LNPK: variants seen among roughly 807,000 people sequenced by gnomAD.
The protein encoded by LNPK is endoplasmic reticulum junction formation protein lunapark.
Under a neutral mutation model 55.2 loss-of-function variants are expected in LNPK, and 29 were observed. The observed-to-expected ratio is 0.53, with a 90% CI of 0.39 to 0.72. The LOEUF (loss-of-function observed/expected upper bound fraction) is 0.72. Ranked by LOEUF, LNPK falls within the 30% of genes least tolerant of loss-of-function variation. The pLI is 0.00. For synonymous variants in LNPK, 162 were observed against 168.2 expected (o/e 0.96, Z 0.29); for missense variants, 467 against 494.8 (o/e 0.94, Z 0.53).
At chr2:175,938,446 T>C in intron 10 of LNPK, 63 bp from the exon 11 acceptor site, 1 of 830,980 alleles carries the variant, frequency 1.2e-6, no homozygotes. Context: ...TGACAGAGAC[T>C]AATTTAGCCA....
chr2:175,989,122 C>T (rs964646104), intron 4 of LNPK, among the ~76,000 whole-genome samples: 1 of 152,246 alleles, frequency 6.6e-6, no homozygotes, highest in Admixed American at 6.5e-5. Flanking sequence ...AAACATTTAA[C>T]TTTCTTCAAA....
At chr2:175,997,144 G>A (rs1016047493) in intron 1 of LNPK, among the ~76,000 whole-genome samples, 1 of 152,108 alleles carries the variant, frequency 6.6e-6, no homozygotes, top group East Asian at 1.9e-4. Context: ...GTGCCTAACT[G>A]TAAAATACTT....
In LNPK at chr2:175,993,178, A is replaced by T; in HGVS notation, c.69+4T>A. 1 of 1,532,572 alleles carries T rather than the reference A, an allele frequency of 6.5e-7. No individual in the cohort carries two copies. Among genetic ancestry groups the T allele is most frequent in the Non-Finnish European group, 8.9e-7 (1 of 1,123,032 alleles). 94.9% of individuals were successfully genotyped at this position (1,532,572 alleles called of 1,614,324 possible). On this transcript the variant is annotated splice_donor_region_variant and intron_variant, in intron 3 of 12. Coordinates refer to ENST00000272748, the MANE Select transcript of LNPK (RefSeq NM_030650.3). ...TTAAAATACCTCACAGCCAAAGAAC[A>T]TACCTTATCTATACTTTCTAGAACT...
intron 2 of LNPK, 48 bp downstream of exon 2, chr2:175,995,510 C>A: frequency 6.8e-7 from 1 of 1,465,732 alleles, no homozygotes; most frequent in Non-Finnish European, 9.4e-7. Context: ...CTTTATGTGA[C>A]ACTTTTATAT....
At chr2:175,970,111 A>G (rs1485557662) in intron 6 of LNPK, among the ~76,000 whole-genome samples, 2 of 152,210 alleles carry the variant, frequency 1.3e-5, no homozygotes, top group African/African-American at 4.8e-5. Context: ...TAATCATTAA[A>G]AAATTAGTAG....
chr2:175,946,891 G>T (rs1685152624), intron 9 of LNPK, among the ~76,000 whole-genome samples: 1 of 151,958 alleles, frequency 6.6e-6, no homozygotes, highest in Non-Finnish European at 1.5e-5. Flanking sequence ...ACTTCAGAAT[G>T]GGATCTTCCC....
At chr2:175,966,649 C>T (rs996162885) in intron 6 of LNPK, among the ~76,000 whole-genome samples, 1 of 152,106 alleles carries the variant, frequency 6.6e-6, no homozygotes, top group Non-Finnish European at 1.5e-5. Flanking sequence ...TTACTTCTAA[C>T]AAAATATTTT....
intron 12 of LNPK, among the ~76,000 whole-genome samples, chr2:175,931,128 T>C (rs902020893): frequency 5.0e-4 from 76 of 152,272 alleles, no homozygotes; most frequent in African/African-American, 1.8e-3. Flanking sequence ...ATTTCTTTGT[T>C]TATGTAAAAA....
At chr2:175,970,927 G>C in intron 5 of LNPK, 123 bp from the exon 6 acceptor site, 1 of 771,154 alleles carries the variant, frequency 1.3e-6, no homozygotes, top group African/African-American at 1.9e-5. Context: ...AAATTTAACT[G>C]ATGTGTAGAG....
chr2:175,982,461 T>C (rs1203690117), intron 4 of LNPK, among the ~76,000 whole-genome samples: 1 of 152,198 alleles, frequency 6.6e-6, no homozygotes, highest in East Asian at 1.9e-4. Context: ...ACATAAGCTA[T>C]CAAACAACAG....
chr2:175,988,512 C>CAA (rs575414400), intron 4 of LNPK, among the ~76,000 whole-genome samples: 143 of 57,954 alleles, frequency 2.5e-3, no homozygotes, highest in South Asian at 5.7e-3. Flanking sequence ...ACTCTGTCTC[C>CAA]AAAAAAAAAA....
At chr2:175,978,404 C>T (rs1384322487) in intron 5 of LNPK, among the ~76,000 whole-genome samples, 2 of 152,104 alleles carry the variant, frequency 1.3e-5, no homozygotes, top group Admixed American at 6.5e-5. Context: ...CATCTGTTTA[C>T]ATCTATTTTC....
At chr2:175,960,527 A>T (rs1410823289) in intron 8 of LNPK, among the ~76,000 whole-genome samples, 1 of 152,226 alleles carries the variant, frequency 6.6e-6, no homozygotes, top group African/African-American at 2.4e-5. Context: ...CAAAGACACA[A>T]CATATCAGAA....
At chr2:175,945,874 GTCATTTTTA>G (rs1336687821) in intron 9 of LNPK, among the ~76,000 whole-genome samples, 1 of 152,092 alleles carries the variant, frequency 6.6e-6, no homozygotes. Flanking sequence ...AGGAATACTG[GTCATTTTTA>G]CACAGCTTGG....
At chr2:175,999,380 C>T (rs1688077069) in intron 1 of LNPK, among the ~76,000 whole-genome samples, 1 of 152,132 alleles carries the variant, frequency 6.6e-6, no homozygotes, top group African/African-American at 2.4e-5. Flanking sequence ...TCAATTTCCT[C>T]ATCTGTAAAA....
chr2:175,995,756 C>T, intron 1 of LNPK, 110 bp from the exon 2 acceptor site: 1 of 351,306 alleles, frequency 2.8e-6, no homozygotes, highest in South Asian at 4.2e-5. Context: ...TATTTGGATG[C>T]CACATATATG....
In LNPK at chr2:175,929,970, C is replaced by T. The variant is rs766903432; in HGVS notation, c.1284G>A (p.Glu428=). 6 of 1,613,806 alleles carry T rather than the reference C, an allele frequency of 3.7e-6. No individual in the cohort carries two copies. The highest frequency in any genetic ancestry group is 1.1e-5 in the South Asian group (1 of 91,056). Residue 428 remains glutamate, a synonymous_variant, in exon 13 of 13, where the codon GAG becomes GAA. Transcript: ENST00000272748. ...PELSGESLTA[E] ...TGAAGGCACGTGGAAGCATTTACTACTCTGCCGTCAAAGATTCTCCACTTA... is the reference window on the plus strand; with the variant it reads ...TGAAGGCACGTGGAAGCATTTACTATTCTGCCGTCAAAGATTCTCCACTTA...
At chr2:175,973,944 AATTGGT>A (rs1323581801) in intron 5 of LNPK, among the ~76,000 whole-genome samples, 1 of 152,184 alleles carries the variant, frequency 6.6e-6, no homozygotes, top group African/African-American at 2.4e-5. Context: ...ATTAACTCAT[AATTGGT>A]AAATGGCTTT....
intron 9 of LNPK, among the ~76,000 whole-genome samples, chr2:175,940,316 G>A (rs2105538384): frequency 6.6e-6 from 1 of 151,770 alleles, no homozygotes. Context: ...ACAAGAAAGG[G>A]TACCAAGCAG....
Sources: gnomAD v4.1 joint callset for allele counts (sites outside exome capture counted in the v4.1 genomes callset) on GRCh38, gnomAD v4.1.1 for gene constraint, MANE v1.5 for transcripts, NCBI Gene and HGNC (gene_info 2026-07-23, HGNC 2026-07-21) for gene names.